The following MAD1L1 variants were observed in gnomAD, a reference collection of about 807,000 sequenced individuals.
MAD1L1 encodes mitotic arrest deficient 1 like 1, also known as mitotic spindle assembly checkpoint protein MAD1.
A neutral mutation model predicts 96.9 loss-of-function variants in MAD1L1; 95 were observed. The observed-to-expected ratio is 0.98, with a 90% CI of 0.83 to 1.16. The LOEUF (loss-of-function observed/expected upper bound fraction) is 1.16, where lower values mean the gene tolerates loss of function less well. Among genes scored for constraint, MAD1L1 ranks in the 50% most tolerant of loss-of-function variants. The probability of loss-of-function intolerance (pLI) is 0.00; values close to 1 mark genes in which losing one functional copy is unlikely to be tolerated. For synonymous variants in MAD1L1, 473 were observed against 396.6 expected (o/e 1.19, Z -2.29); for missense variants, 1,007 against 954.4 (o/e 1.06, Z -0.73).
intron 13 of MAD1L1, among the ~76,000 whole-genome samples, chr7:2,010,079 T>G (rs924187785): frequency 1.3e-5 from 2 of 150,022 alleles, no homozygotes; most frequent in African/African-American, 4.9e-5. Context: ...GGTTTTTTTT[T>G]TTTTTTTTTT....
At chr7:1,831,336 G>A (rs374856281) in intron 18 of MAD1L1, among the ~76,000 whole-genome samples, 1 of 149,194 alleles carries the variant, frequency 6.7e-6, no homozygotes, top group African/African-American at 2.5e-5. Flanking sequence ...GCCCATAAGA[G>A]AGCAAACTTA....
intron 11 of MAD1L1, among the ~76,000 whole-genome samples, chr7:2,144,319 C>T (rs1231149878): frequency 6.6e-6 from 1 of 152,228 alleles, no homozygotes; most frequent in Admixed American, 6.5e-5. Context: ...CTCAGCGTCC[C>T]CATCGTCATT....
chr7:2,173,674 T>C (rs779730339), intron 10 of MAD1L1, among the ~76,000 whole-genome samples: 3 of 152,192 alleles, frequency 2.0e-5, no homozygotes, highest in Non-Finnish European at 4.4e-5. Flanking sequence ...ACAGGCATCA[T>C]CTTCAGCTGC....
At chr7:1,907,614 C>T (rs1409461438) in intron 17 of MAD1L1, among the ~76,000 whole-genome samples, 2 of 152,226 alleles carry the variant, frequency 1.3e-5, no homozygotes, top group African/African-American at 2.4e-5. Flanking sequence ...ACTGCCTGTG[C>T]GTTCACGGAC....
At chr7:2,071,572 G>T (rs1785129015) in intron 11 of MAD1L1, among the ~76,000 whole-genome samples, 1 of 152,226 alleles carries the variant, frequency 6.6e-6, no homozygotes, top group Admixed American at 6.5e-5. Context: ...GATGGGGCGG[G>T]ACACCAGGAA....
intron 11 of MAD1L1, among the ~76,000 whole-genome samples, chr7:2,143,634 G>A (rs905880548): frequency 6.6e-6 from 1 of 151,930 alleles, no homozygotes; most frequent in African/African-American, 2.4e-5. Flanking sequence ...CCAGGCCCCT[G>A]ATGGCAGCAG....
chr7:2,024,402 T>C (rs1365346016), intron 12 of MAD1L1, among the ~76,000 whole-genome samples: 9 of 152,340 alleles, frequency 5.9e-5, no homozygotes, highest in Admixed American at 4.6e-4. Flanking sequence ...TTCACCACCA[T>C]GTGAGCCAGG....
rs749328531 is a variant in MAD1L1 at position 2,225,450 on chromosome 7, TCCACTCGAGC to T, written c.241_250del (p.Ala81SerfsTer24). On this transcript the variant is annotated frameshift_variant, in exon 4 of 19. Coordinates refer to ENST00000265854, the MANE Select transcript of MAD1L1 (RefSeq NM_001013836.2). LOFTEE classifies it high-confidence loss of function. ...ACTGGTGCTGGCTGCTCTCTCCAGCTCCACTCGAGCCCTCTTGTGACTCAGCTCCATCTGC... is the reference window on the plus strand; with the variant it reads ...ACTGGTGCTGGCTGCTCTCTCCAGCTCCTCTTGTGACTCAGCTCCATCTGC... 3.1e-6 allele frequency: 5 copies of T among 1,614,144 alleles called. No individual in the cohort carries two copies. Among genetic ancestry groups the T allele is most frequent in the Non-Finnish European group, 3.4e-6 (4 of 1,180,042 alleles).
chr7:2,060,488 G>A (rs533230624), intron 12 of MAD1L1, among the ~76,000 whole-genome samples: 1 of 150,482 alleles, frequency 6.6e-6, no homozygotes, highest in Non-Finnish European at 1.5e-5. Context: ...CCAATATCGA[G>A]ATAATGCCGA....
chr7:1,985,767 C>T (rs972730079), intron 14 of MAD1L1, among the ~76,000 whole-genome samples: 2 of 108,416 alleles, frequency 1.8e-5, no homozygotes, highest in Non-Finnish European at 3.8e-5. Context: ...CCCGTGCATC[C>T]GGTCACCTTC....
At chr7:1,951,283 G>A (rs1456584661) in intron 16 of MAD1L1, among the ~76,000 whole-genome samples, 1 of 152,240 alleles carries the variant, frequency 6.6e-6, no homozygotes, top group Non-Finnish European at 1.5e-5. Flanking sequence ...ACCAGCTGGT[G>A]GATGAAGGGC....
At chr7:2,174,206 T>A (rs1790843995) in intron 10 of MAD1L1, among the ~76,000 whole-genome samples, 1 of 152,224 alleles carries the variant, frequency 6.6e-6, no homozygotes, top group Non-Finnish European at 1.5e-5. Flanking sequence ...TCACTGGGTA[T>A]AGAATCAAAG....
intron 14 of MAD1L1, among the ~76,000 whole-genome samples, chr7:1,983,120 A>G (rs916557836): frequency 1.1e-4 from 16 of 149,854 alleles, no homozygotes; most frequent in African/African-American, 3.9e-4. Context: ...ACACACGCAC[A>G]CACACCCACA....
intron 12 of MAD1L1, among the ~76,000 whole-genome samples, chr7:2,059,262 G>A (rs1357180394): frequency 7.9e-6 from 1 of 125,864 alleles, no homozygotes; most frequent in African/African-American, 3.1e-5. Context: ...GAGGGAGTGT[G>A]GCCAGGAGAG....
chr7:1,820,261 T>C (rs1004826486), intron 18 of MAD1L1, among the ~76,000 whole-genome samples: 2 of 152,174 alleles, frequency 1.3e-5, no homozygotes, highest in Non-Finnish European at 1.5e-5. Context: ...ATAATGAAAT[T>C]TGCCAGACGC....
At chr7:2,051,644 C>G (rs1454496081) in intron 12 of MAD1L1, among the ~76,000 whole-genome samples, 5 of 142,210 alleles carry the variant, frequency 3.5e-5, no homozygotes, top group African/African-American at 1.3e-4. Context: ...CCTCCCCCAC[C>G]CCCCCACCAG....
At chr7:2,225,640 G>A (rs1478865249) in intron 3 of MAD1L1, 90 bp from the exon 4 acceptor site, 4 of 1,409,248 alleles carry the variant, frequency 2.8e-6, no homozygotes, top group Non-Finnish European at 2.9e-6. Context: ...CACTCCCTGA[G>A]GACCCATTCC....
rs572465483 is a variant in MAD1L1 at position 2,080,303 on chromosome 7, G to A, written c.1074-10965C>T. Among the ~76,000 whole-genome samples, 285 of 152,310 alleles carry A rather than the reference G, an allele frequency of 1.9e-3. 1 individual carries two copies. Among genetic ancestry groups the A allele is most frequent in the African/African-American group, 6.6e-3 (276 of 41,548 alleles). Reference sequence around the variant, plus strand: ...ACCATACGGCTCTTTACAGAGAAAGGTTACCAACCAATACCCTATACCACT... The same window carrying A: ...ACCATACGGCTCTTTACAGAGAAAGATTACCAACCAATACCCTATACCACT... On this transcript the variant is annotated intron_variant, in intron 11 of 18. Coordinates refer to ENST00000265854, the MANE Select transcript of MAD1L1 (RefSeq NM_001013836.2).
intron 11 of MAD1L1, among the ~76,000 whole-genome samples, chr7:2,116,099 G>GA (rs1787675744): frequency 1.3e-5 from 2 of 152,246 alleles, no homozygotes; most frequent in Non-Finnish European, 2.9e-5. Context: ...GGTGACCACA[G>GA]AAAAAGCTGA....
Sources: gnomAD v4.1 joint callset for allele counts (sites outside exome capture counted in the v4.1 genomes callset) on GRCh38, gnomAD v4.1.1 for gene constraint, MANE v1.5 for transcripts, NCBI Gene and HGNC (gene_info 2026-07-23, HGNC 2026-07-21) for gene names.